The following RBFOX1 variants were observed in gnomAD, a reference collection of about 807,000 sequenced individuals.
RBFOX1 encodes the protein RNA binding protein fox-1 homolog 1.
A neutral mutation model predicts 57.7 loss-of-function variants in RBFOX1; 8 were observed. That is an observed-to-expected ratio of 0.14 (90% CI 0.08 to 0.25). The LOEUF is 0.25. RBFOX1 is among the 10% of genes least tolerant of loss of function. The probability of loss-of-function intolerance (pLI) is 1.00; values close to 1 mark genes in which losing one functional copy is unlikely to be tolerated. For missense variants in RBFOX1, 611 were observed against 548.5 expected (o/e 1.11, Z -1.14); for synonymous variants, 326 against 222.4 (o/e 1.47, Z -4.15).
chr16:7,276,922 C>A (rs556605813), intron 4 of RBFOX1, among the ~76,000 whole-genome samples: 1 of 152,096 alleles, frequency 6.6e-6, no homozygotes, highest in Non-Finnish European at 1.5e-5. Flanking sequence ...CAGTTTGATG[C>A]GTCCCAGCAA....
At chr16:6,153,751 G>A (rs2096818362) in intron 1 of RBFOX1, among the ~76,000 whole-genome samples, 1 of 152,186 alleles carries the variant, frequency 6.6e-6, no homozygotes, top group South Asian at 2.1e-4. Context: ...GGCCAGGCTG[G>A]TCTCAAACTC....
intron 3 of RBFOX1, among the ~76,000 whole-genome samples, chr16:5,756,996 C>T (rs148971501): frequency 6.6e-6 from 1 of 152,138 alleles, no homozygotes; most frequent in African/African-American, 2.4e-5. Context: ...ATTCTTAACA[C>T]AATAGAAATT....
At chr16:6,486,646 C>A (rs978574913) in intron 2 of RBFOX1, among the ~76,000 whole-genome samples, 3 of 141,666 alleles carry the variant, frequency 2.1e-5, no homozygotes, top group African/African-American at 7.6e-5. Flanking sequence ...AAGCTTGAAC[C>A]CTTAATTTTA....
chr16:6,813,756 G>C (rs1482227108), intron 3 of RBFOX1, among the ~76,000 whole-genome samples: 2 of 152,108 alleles, frequency 1.3e-5, no homozygotes, highest in Non-Finnish European at 2.9e-5. Context: ...AACCTCCTGG[G>C]CATGCCAATG....
Position 6,987,214 on chromosome 16 carries a change from A to G in RBFOX1, c.-15-64843A>G, listed in dbSNP as rs562353769. Among the ~76,000 whole-genome samples the G allele has an allele frequency of 3.3e-5, 5 of 152,298 alleles. No homozygotes were observed. In the South Asian group the frequency reaches 1.0e-3, roughly 32 times the overall value. ...CAAGTCTTGATTACCCATAATAACA[A>G]GAATGAAAACTTTGGCCCTGGTTAT... On this transcript the variant is annotated intron_variant, in intron 3 of 15. Transcript: ENST00000550418.
chr16:7,144,395 TTTCTC>T (rs2074469878), intron 4 of RBFOX1, among the ~76,000 whole-genome samples: 1 of 140,220 alleles, frequency 7.1e-6, no homozygotes, highest in African/African-American at 2.7e-5. Context: ...AACTTCTTCT[TTTCTC>T]TTTCTTTTTC....
chr16:5,838,595 T>G (rs1486785622), intron 3 of RBFOX1: 1 of 160,586 alleles, frequency 6.2e-6, no homozygotes, highest in African/African-American at 2.4e-5. Flanking sequence ...AATTCTGTCT[T>G]TCTTCCAATG....
In RBFOX1 at chr16:7,605,841, G is replaced by GT. The variant is rs1053145085; in HGVS notation, c.623-1436dup. Among the ~76,000 whole-genome samples, 131 of 152,044 alleles carry GT rather than the reference G, an allele frequency of 8.6e-4. 1 individual carries two copies. The highest frequency in any genetic ancestry group is 1.5e-3 in the South Asian group (7 of 4,820). On this transcript the variant is annotated intron_variant, in intron 9 of 15. Transcript: ENST00000550418. ...ACCTTACCCTCCTCTGTCTTTCAAG[G>GT]TTTTTTTTACTTCTTGAGACAGAGT...
chr16:7,650,138 A>G (rs2064699375), intron 11 of RBFOX1, among the ~76,000 whole-genome samples: 1 of 152,066 alleles, frequency 6.6e-6, no homozygotes, highest in South Asian at 2.1e-4. Flanking sequence ...TGTAAGAAAG[A>G]AAGGAATGTG....
chr16:7,615,691 C>T, intron 10 of RBFOX1, among the ~76,000 whole-genome samples: 1 of 151,820 alleles, frequency 6.6e-6, no homozygotes, highest in East Asian at 1.9e-4. Context: ...TTTCTGGAAA[C>T]ATTTGTTTCA....
intron 1 of RBFOX1, among the ~76,000 whole-genome samples, chr16:5,291,584 C>T (rs1044543339): frequency 6.6e-6 from 1 of 152,148 alleles, no homozygotes; most frequent in Non-Finnish European, 1.5e-5. Context: ...ATTGTTAACC[C>T]ACAGAGCAGT....
At chr16:7,367,139 A>T (rs2147068427) in intron 4 of RBFOX1, among the ~76,000 whole-genome samples, 1 of 151,416 alleles carries the variant, frequency 6.6e-6, no homozygotes, top group African/African-American at 2.4e-5. Flanking sequence ...GTGAGTTGGG[A>T]AAGATGGTCT....
At position 7,006,456 on chromosome 16, in the gene RBFOX1, C is replaced by G. The variant is rs543707899; in HGVS notation, c.-15-45601C>G. ...GCTTGAGCCACTGCGCCCGGCCAAA[C>G]AAGTTTTTTTATGTAGAGACAGGGT... On this transcript the variant is annotated intron_variant, in intron 3 of 15. Coordinates refer to ENST00000550418, the MANE Select transcript of RBFOX1 (RefSeq NM_018723.4). Among the ~76,000 whole-genome samples the G allele has an allele frequency of 3.3e-5, 5 of 152,044 alleles. No homozygotes were observed. The South Asian group carries it at 8.3e-4, about 25-fold the overall frequency.
chr16:7,552,299 C>T (rs888324826), intron 5 of RBFOX1, among the ~76,000 whole-genome samples: 3 of 152,094 alleles, frequency 2.0e-5, no homozygotes, highest in Admixed American at 6.5e-5. Flanking sequence ...GCTATAGTTT[C>T]TTATGTAATC....
intron 3 of RBFOX1, among the ~76,000 whole-genome samples, chr16:6,831,986 A>G (rs961521934): frequency 3.3e-5 from 5 of 152,258 alleles, no homozygotes; most frequent in South Asian, 2.1e-4. Flanking sequence ...TAATGGGAAT[A>G]TACCGAATGG....
At chr16:6,120,347 C>T (rs1272266431) in intron 1 of RBFOX1, among the ~76,000 whole-genome samples, 1 of 152,218 alleles carries the variant, frequency 6.6e-6, no homozygotes, top group Non-Finnish European at 1.5e-5. Context: ...ACTGAGGCAT[C>T]AGCAAGCTGT....
At chr16:7,632,043 G>A (rs1376258388) in intron 11 of RBFOX1, among the ~76,000 whole-genome samples, 2 of 152,026 alleles carry the variant, frequency 1.3e-5, no homozygotes, top group Non-Finnish European at 2.9e-5. Flanking sequence ...CCAAGTAGCC[G>A]GGATTATAGG....
chr16:6,228,511 A>G (rs2097434024), intron 1 of RBFOX1, among the ~76,000 whole-genome samples: 1 of 152,146 alleles, frequency 6.6e-6, no homozygotes, highest in African/African-American at 2.4e-5. Context: ...GCCCTTTGCA[A>G]CAATATGGTT....
At chr16:6,210,315 C>A in intron 1 of RBFOX1, among the ~76,000 whole-genome samples, 1 of 44,184 alleles carries the variant, frequency 2.3e-5, no homozygotes, top group African/African-American at 7.5e-5. Context: ...GCAATTCTGT[C>A]TGAAAAAAAA....
Sources: allele counts gnomAD v4.1 joint callset (sites outside exome capture counted in the v4.1 genomes callset), GRCh38; gene constraint gnomAD v4.1.1; transcripts MANE v1.5; gene names NCBI Gene and HGNC (gene_info 2026-07-23, HGNC 2026-07-21).